Variants in MDGA2 observed in about 807,000 individuals in gnomAD.
The protein encoded by MDGA2 is MAM domain containing glycosylphosphatidylinositol anchor 2, also known as MAM domain-containing glycosylphosphatidylinositol anchor protein 2.
MDGA2 carries 40 observed loss-of-function variants against 117.8 expected under a neutral mutation model. The ratio of observed to expected loss-of-function variants is 0.34; its 90% CI spans 0.26 to 0.44. MDGA2 has a LOEUF of 0.44. Ranked by LOEUF, MDGA2 falls within the 20% of genes least tolerant of loss-of-function variation. The probability of loss-of-function intolerance (pLI) is 1.00; values close to 1 mark genes in which losing one functional copy is unlikely to be tolerated. For missense variants in MDGA2, 1,123 were observed against 1,250.6 expected, an observed-to-expected ratio of 0.90 and a Z score of 1.54; for synonymous variants, 452 against 439.0, an observed-to-expected ratio of 1.03 and a Z score of -0.37.
Position 46,899,251 on chromosome 14 carries a change from C to T in MDGA2, c.2239-17030G>A, listed in dbSNP as rs187469246. On this transcript the variant is annotated intron_variant, in intron 10 of 16. Transcript: ENST00000399232. ...AACTGGCAACCTGAGTGTTTTCTCT[C>T]CTCCCCACCCTTTTTTTCCCAAAAT... 4.9e-4 allele frequency among the ~76,000 whole-genome samples: 75 copies of T among 152,004 alleles called. 1 individual carries two copies. Among genetic ancestry groups the T allele is most frequent in the Admixed American group, 2.8e-3 (43 of 15,250 alleles).
chr14:46,860,654 TG>T (rs746367619), intron 14 of MDGA2, among the ~76,000 whole-genome samples: 7 of 152,084 alleles, frequency 4.6e-5, no homozygotes, highest in African/African-American at 9.6e-5. Context: ...CAAACCATAT[TG>T]TTTTTTTCTG....
chr14:47,527,026 A>G (rs564144330), intron 1 of MDGA2, among the ~76,000 whole-genome samples: 1 of 152,156 alleles, frequency 6.6e-6, no homozygotes, highest in Non-Finnish European at 1.5e-5. Flanking sequence ...ATGCTCACTG[A>G]GTATTTACTA....
intron 8 of MDGA2, among the ~76,000 whole-genome samples, chr14:46,962,643 G>A (rs1209760181): frequency 8.3e-6 from 1 of 120,084 alleles, no homozygotes; most frequent in African/African-American, 4.5e-5. Context: ...CCAGATTTTA[G>A]TTGTTTACAT....
chr14:47,333,793 G>A (rs1368271319), intron 1 of MDGA2, among the ~76,000 whole-genome samples: 2 of 151,782 alleles, frequency 1.3e-5, no homozygotes, highest in African/African-American at 4.8e-5. Flanking sequence ...ACTAAGTAAT[G>A]TATGTTGATA....
At chr14:47,498,402 T>G (rs1311077021) in intron 1 of MDGA2, among the ~76,000 whole-genome samples, 1 of 152,210 alleles carries the variant, frequency 6.6e-6, no homozygotes, top group African/African-American at 2.4e-5. Context: ...TAAATATTTT[T>G]TTTTCATGAA....
chr14:47,372,715 C>T (rs1378783405), intron 1 of MDGA2, among the ~76,000 whole-genome samples: 2 of 151,626 alleles, frequency 1.3e-5, no homozygotes, highest in Admixed American at 6.6e-5. Context: ...GGGAATCTAG[C>T]CTATAGAAAT....
At chr14:47,645,139 T>A (rs1488814106) in intron 1 of MDGA2, among the ~76,000 whole-genome samples, 3 of 152,208 alleles carry the variant, frequency 2.0e-5, no homozygotes, top group Non-Finnish European at 4.4e-5. Flanking sequence ...TTTGAATGGC[T>A]TTAATCCACG....
intron 1 of MDGA2, among the ~76,000 whole-genome samples, chr14:47,510,238 A>G (rs1809156807): frequency 6.6e-6 from 1 of 152,108 alleles, no homozygotes; most frequent in Non-Finnish European, 1.5e-5. Flanking sequence ...TGCAACCTAG[A>G]AGAGAGCCCT....
intron 10 of MDGA2, among the ~76,000 whole-genome samples, chr14:46,917,711 C>T (rs1211306616): frequency 1.3e-5 from 2 of 151,938 alleles, no homozygotes; most frequent in East Asian, 1.9e-4. Flanking sequence ...TGTGTCACTG[C>T]GTATCAGGGA....
chr14:47,127,906 G>A (rs1424857133), intron 5 of MDGA2, among the ~76,000 whole-genome samples: 2 of 151,856 alleles, frequency 1.3e-5, no homozygotes, highest in African/African-American at 4.8e-5. Context: ...TTTAAGGTAT[G>A]AAGTCCTTAT....
intron 3 of MDGA2, among the ~76,000 whole-genome samples, chr14:47,149,400 G>A (rs1049745518): frequency 1.3e-5 from 2 of 152,190 alleles, no homozygotes; most frequent in Non-Finnish European, 2.9e-5. Flanking sequence ...GCTGTTACGA[G>A]AGAGGCCAAT....
At chr14:47,459,518 C>G (rs988449580) in intron 1 of MDGA2, among the ~76,000 whole-genome samples, 1 of 148,968 alleles carries the variant, frequency 6.7e-6, no homozygotes, top group Admixed American at 6.7e-5. Context: ...CTCCGTCCCT[C>G]TCTTCCTCCC....
chr14:46,845,652 T>C (rs1594990015), intron 16 of MDGA2, 114 bp downstream of exon 16: 2 of 637,650 alleles, frequency 3.1e-6, no homozygotes, highest in South Asian at 2.7e-5. Flanking sequence ...AAGAAATTTC[T>C]AAATAAACCA....
At chr14:47,520,885 A>C (rs1894854994) in intron 1 of MDGA2, among the ~76,000 whole-genome samples, 1 of 152,212 alleles carries the variant, frequency 6.6e-6, no homozygotes, top group African/African-American at 2.4e-5. Flanking sequence ...CTCAAAGTAC[A>C]GGAATGGTGT....
chr14:47,199,916 A>G (rs1189754148), intron 3 of MDGA2, among the ~76,000 whole-genome samples: 2 of 152,110 alleles, frequency 1.3e-5, no homozygotes, highest in South Asian at 2.1e-4. Flanking sequence ...AGTAAATTTA[A>G]AAGTATAAAA....
chr14:47,227,333 C>G (rs1320676859), intron 2 of MDGA2, among the ~76,000 whole-genome samples: 1 of 152,144 alleles, frequency 6.6e-6, no homozygotes, highest in African/African-American at 2.4e-5. Flanking sequence ...GCTCCCGTGC[C>G]TCTAGATGGG....
rs189087178 is a variant in MDGA2, at chr14:47,508,663, G to C, written c.280+165854C>G. On this transcript the variant is annotated intron_variant, in intron 1 of 16. Transcript: ENST00000399232. The stretch of plus-strand genomic sequence containing the variant: ...ATGAAAATAAGTCTTGTGCATAAAG[G>C]AACACAACTTTTTTGTTTGTTTGTT... Among the ~76,000 whole-genome samples the C allele has an allele frequency of 1.6e-4, 24 of 151,942 alleles. No individual in the cohort carries two copies. In the East Asian group the frequency reaches 2.5e-3, roughly 16 times the overall value.
chr14:46,868,861 G>A (rs982293399), intron 14 of MDGA2, among the ~76,000 whole-genome samples: 1 of 151,910 alleles, frequency 6.6e-6, no homozygotes, highest in Non-Finnish European at 1.5e-5. Flanking sequence ...CTGTTAGGAA[G>A]GCAACTTCCA....
chr14:47,669,961 T>C (rs1898044951), intron 1 of MDGA2, among the ~76,000 whole-genome samples: 1 of 152,122 alleles, frequency 6.6e-6, no homozygotes, highest in South Asian at 2.1e-4. Context: ...GTCATTCTTA[T>C]CCCTTCCTAT....
Sources: allele counts gnomAD v4.1 joint callset (sites outside exome capture counted in the v4.1 genomes callset), GRCh38; gene constraint gnomAD v4.1.1; transcripts MANE v1.5; gene names NCBI Gene and HGNC (gene_info 2026-07-23, HGNC 2026-07-21).